The following SCFD2 variants were observed in gnomAD, a reference collection of about 807,000 sequenced individuals.
SCFD2 encodes the protein sec1 family domain-containing protein 2.
Under a neutral mutation model 58.9 loss-of-function variants are expected in SCFD2, and 54 were observed. The observed-to-expected ratio is 0.92, with a 90% confidence interval of 0.74 to 1.15. SCFD2 has a LOEUF of 1.15. Ranked by LOEUF, SCFD2 falls within the 50% of genes most tolerant of loss-of-function variation. The pLI, the probability that SCFD2 is intolerant of heterozygous loss-of-function variation, is 0.00. For missense variants in SCFD2, 805 were observed against 836.6 expected (o/e 0.96, Z 0.47); for synonymous variants, 321 against 335.9 (o/e 0.96, Z 0.49).
intron 4 of SCFD2, among the ~76,000 whole-genome samples, chr4:53,230,713 T>C (rs1729410005): frequency 6.6e-6 from 1 of 151,988 alleles, no homozygotes; most frequent in South Asian, 2.1e-4. Context: ...ATGGCACATA[T>C]ATACATATGT....
At chr4:52,928,512 A>G (rs559621784) in intron 5 of SCFD2, among the ~76,000 whole-genome samples, 1 of 152,154 alleles carries the variant, frequency 6.6e-6, no homozygotes, top group Non-Finnish European at 1.5e-5. Context: ...AGCTATAACT[A>G]TCTAGGTGAG....
At chr4:53,077,022 GT>G (rs1185475682) in intron 5 of SCFD2, among the ~76,000 whole-genome samples, 1 of 152,054 alleles carries the variant, frequency 6.6e-6, no homozygotes, top group Non-Finnish European at 1.5e-5. Context: ...GCACCCAATG[GT>G]ATCATCATAG....
chr4:53,264,083 C>T (rs745942148), intron 4 of SCFD2, among the ~76,000 whole-genome samples: 75 of 152,254 alleles, frequency 4.9e-4, no homozygotes, highest in Admixed American at 1.9e-3. Context: ...GGGGTAAAGC[C>T]GGCAGTCTCA....
intron 2 of SCFD2, among the ~76,000 whole-genome samples, chr4:53,335,888 A>G (rs1187684471): frequency 6.6e-6 from 1 of 152,178 alleles, no homozygotes; most frequent in Non-Finnish European, 1.5e-5. Context: ...CCCTTCTCCT[A>G]GGGTAAAAAT....
At chr4:53,266,517 C>A (rs956122093) in intron 4 of SCFD2, among the ~76,000 whole-genome samples, 1 of 152,156 alleles carries the variant, frequency 6.6e-6, no homozygotes, top group African/African-American at 2.4e-5. Flanking sequence ...CTTTATTTCT[C>A]TTTAGATGAG....
intron 4 of SCFD2, among the ~76,000 whole-genome samples, chr4:53,272,637 T>C (rs1481669630): frequency 7.5e-6 from 1 of 133,086 alleles, no homozygotes; most frequent in Non-Finnish European, 1.6e-5. Flanking sequence ...CACTCATAGG[T>C]GGGAATTGAA....
chr4:53,179,854 G>A (rs367714504), intron 4 of SCFD2, among the ~76,000 whole-genome samples: 2 of 152,106 alleles, frequency 1.3e-5, no homozygotes, highest in Non-Finnish European at 2.9e-5. Flanking sequence ...TGCAATCCTA[G>A]TCTCTGATAA....
intron 5 of SCFD2, among the ~76,000 whole-genome samples, chr4:52,978,784 A>G (rs1316666830): frequency 6.6e-6 from 1 of 152,206 alleles, no homozygotes; most frequent in Admixed American, 6.5e-5. Flanking sequence ...GAATCAAGGC[A>G]TTCACAACTC....
chr4:53,300,255 T>A (rs968279641), intron 3 of SCFD2, among the ~76,000 whole-genome samples: 1 of 151,888 alleles, frequency 6.6e-6, no homozygotes, highest in African/African-American at 2.4e-5. Context: ...TGGAGGAAGA[T>A]CTACCAAGCA....
chr4:53,199,120 T>C (rs1014981640), intron 4 of SCFD2, among the ~76,000 whole-genome samples: 5 of 152,034 alleles, frequency 3.3e-5, no homozygotes, highest in Admixed American at 1.3e-4. Flanking sequence ...GGTTCTTCTG[T>C]AGCAAAGCCA....
At chr4:53,153,021 T>C (rs1560359837) in intron 4 of SCFD2, among the ~76,000 whole-genome samples, 1 of 152,202 alleles carries the variant, frequency 6.6e-6, no homozygotes, top group Non-Finnish European at 1.5e-5. Flanking sequence ...ACCATGAAGG[T>C]TGCTGTCATG....
intron 4 of SCFD2, among the ~76,000 whole-genome samples, chr4:53,193,566 A>G (rs971490298): frequency 2.0e-5 from 3 of 152,282 alleles, no homozygotes; most frequent in African/African-American, 7.2e-5. Flanking sequence ...TAATTAACCA[A>G]ATAGATTATG....
At chr4:53,304,449 C>T (rs1732448838) in intron 3 of SCFD2, among the ~76,000 whole-genome samples, 1 of 152,112 alleles carries the variant, frequency 6.6e-6, no homozygotes, top group Non-Finnish European at 1.5e-5. Flanking sequence ...TTCTCCCCAT[C>T]ACTTTGAGGT....
intron 5 of SCFD2, among the ~76,000 whole-genome samples, chr4:52,984,216 A>G (rs1379830079): frequency 6.6e-6 from 1 of 152,086 alleles, no homozygotes; most frequent in African/African-American, 2.4e-5. Context: ...CTTTTGTAAA[A>G]CTCTGGAGGC....
intron 3 of SCFD2, among the ~76,000 whole-genome samples, chr4:53,292,766 G>C (rs1162589859): frequency 2.6e-5 from 4 of 152,126 alleles, no homozygotes; most frequent in African/African-American, 9.7e-5. Flanking sequence ...GTTCATTGCA[G>C]CACTATTCAC....
intron 4 of SCFD2, among the ~76,000 whole-genome samples, chr4:53,229,400 A>G (rs78530678): frequency 0.44 from 67,443 of 152,082 alleles, 16,114 homozygotes; most frequent in African/African-American, 0.59. Context: ...CCAAAACAGC[A>G]TGGTACTGTT....
chr4:52,907,687 T>C, intron 6 of SCFD2, 96 bp from the exon 7 acceptor site: 1 of 1,175,664 alleles, frequency 8.5e-7, no homozygotes, highest in Non-Finnish European at 1.3e-6. Context: ...CAAGTTTATT[T>C]TGATACTGAG....
intron 5 of SCFD2, among the ~76,000 whole-genome samples, chr4:53,092,933 G>A (rs540684657): frequency 2.6e-5 from 4 of 152,184 alleles, no homozygotes; most frequent in African/African-American, 9.6e-5. Flanking sequence ...TACATAGGTT[G>A]GTGAGAAAGG....
In SCFD2 at chr4:53,238,015, A is replaced by C. The variant is rs1387770318; in HGVS notation, c.1311+35811T>G. 5.1e-5 allele frequency among the ~76,000 whole-genome samples: 6 copies of C among 117,070 alleles called. 1 individual carries two copies. The highest frequency in any genetic ancestry group is 2.0e-4 in the African/African-American group (6 of 29,642). 76.8% of individuals were successfully genotyped at this position (117,070 alleles called of 152,430 possible). A position where few individuals can be genotyped will look rare whatever the true frequency, so the allele number is the denominator to read the frequency against. ...GGCCGGGCAGGGGGCTGATCCCCCC[A>C]CCTCCCTCCAAGATGGGGTGGCTGG... On this transcript the variant is annotated intron_variant, in intron 4 of 8. Transcript: ENST00000401642.
Sources: allele counts gnomAD v4.1 joint callset (sites outside exome capture counted in the v4.1 genomes callset), GRCh38; gene constraint gnomAD v4.1.1; transcripts MANE v1.5; gene names NCBI Gene and HGNC (gene_info 2026-07-23, HGNC 2026-07-21).